The following MOV10L1 variants were observed in gnomAD, a reference collection of about 807,000 sequenced individuals.
MOV10L1 encodes RNA helicase Mov10l1.
MOV10L1 carries 110 observed loss-of-function variants against 143.8 expected under a neutral mutation model. The observed-to-expected ratio is 0.76, with a 90% CI of 0.66 to 0.90. The LOEUF (loss-of-function observed/expected upper bound fraction) is 0.90, where lower values mean the gene tolerates loss of function less well. Among genes scored for constraint, MOV10L1 ranks in the 40% least tolerant of loss-of-function variants. The pLI is 0.00. For synonymous variants in MOV10L1, 593 were observed against 581.1 expected (o/e 1.02, Z -0.29); for missense variants, 1,406 against 1,526.8 (o/e 0.92, Z 1.32).
Position 50,134,662 on chromosome 22 carries a change from A to T in MOV10L1, c.2070+32A>T, listed in dbSNP as rs1404713201. On this transcript the variant is annotated intron_variant, in intron 15 of 26. Transcript: ENST00000262794. ...CTCAGCAATGTGGCTTTCTCTACACAGGGGATGGCTCAGCGACGTGGCTGT... is the reference window on the plus strand; with the variant it reads ...CTCAGCAATGTGGCTTTCTCTACACTGGGGATGGCTCAGCGACGTGGCTGT... 5 of 1,592,148 alleles carry T rather than the reference A, an allele frequency of 3.1e-6. No homozygotes were observed. The East Asian group carries it at 1.1e-4, about 36-fold the overall frequency.
In MOV10L1 at chr22:50,143,220, A is replaced by C; in HGVS notation, c.2357A>C (p.Gln786Pro). 1 of 1,613,954 alleles carries C rather than the reference A, an allele frequency of 6.2e-7. No individual in the cohort carries two copies. Residue 786 changes from glutamine to proline, a missense_variant and splice_region_variant, in exon 17 of 27, where the codon CAG becomes CCG. This residue lies in a region of MOV10L1 where 1,233 missense variants were observed against 1,351.4 expected (regional missense o/e 0.91). Coordinates refer to ENST00000262794, the MANE Select transcript of MOV10L1 (RefSeq NM_018995.3). ...KTVTIIEAVL[Q>P]VHFALPDSRI... The stretch of plus-strand genomic sequence containing the variant: ...GTGACAATAATAGAGGCTGTTTTAC[A>C]GGTAAGGACAGCGGCGCCGCGGGTG...
chr22:50,139,911 G>A (rs942443345), intron 15 of MOV10L1, among the ~76,000 whole-genome samples: 16 of 152,174 alleles, frequency 1.1e-4, no homozygotes, highest in Non-Finnish European at 1.5e-5. Flanking sequence ...TGTGGGAATG[G>A]GGAGTGGCAC....
intron 19 of MOV10L1, among the ~76,000 whole-genome samples, chr22:50,146,529 CGG>C (rs1398079593): frequency 6.6e-6 from 1 of 152,116 alleles, no homozygotes; most frequent in Non-Finnish European, 1.5e-5. Context: ...CAGACAGTGT[CGG>C]GGGCACAGGC....
intron 10 of MOV10L1, among the ~76,000 whole-genome samples, chr22:50,121,960 A>T (rs1400570526): frequency 6.6e-6 from 1 of 151,950 alleles, no homozygotes; most frequent in African/African-American, 2.4e-5. Context: ...TAGCATTGGA[A>T]TTTTTTTTCC....
chr22:50,107,484 A>G (rs2061904201), intron 3 of MOV10L1, among the ~76,000 whole-genome samples: 1 of 152,000 alleles, frequency 6.6e-6, no homozygotes, highest in Admixed American at 6.6e-5. Flanking sequence ...GTATTCAATT[A>G]TACACTTTTT....
intron 9 of MOV10L1, among the ~76,000 whole-genome samples, chr22:50,118,476 G>T (rs1446410268): frequency 1.3e-5 from 2 of 152,190 alleles, no homozygotes; most frequent in African/African-American, 2.4e-5. Flanking sequence ...TGCACTAGGG[G>T]CCATTGCTAC....
chr22:50,104,023 A>G (rs1333904985), intron 3 of MOV10L1, among the ~76,000 whole-genome samples: 2 of 152,170 alleles, frequency 1.3e-5, no homozygotes, highest in Non-Finnish European at 2.9e-5. Context: ...TCCCAGAACT[A>G]GATGGTCCCA....
In MOV10L1 at chr22:50,109,993, AC is replaced by A. The variant is rs1393763933; in HGVS notation, c.743+1150del. Among the ~76,000 whole-genome samples the A allele has an allele frequency of 6.6e-5, 10 of 152,084 alleles. No individual in the cohort carries two copies. The South Asian group carries it at 1.9e-3, about 28-fold the overall frequency. On this transcript the variant is annotated intron_variant, in intron 5 of 26. Transcript: ENST00000262794. ...AAGAAACCCTGTCTCTACTAAAAAT[AC>A]AAAAATTACCCGGTTGTGGTGGCAG...
rs116442086 is a variant in MOV10L1, at chr22:50,153,931, G to C, written c.3066+713G>C. Among the ~76,000 whole-genome samples, 302 of 152,100 alleles carry C rather than the reference G, an allele frequency of 2.0e-3. 4 individuals are homozygous for C. Among genetic ancestry groups the C allele is most frequent in the African/African-American group, 7.0e-3 (290 of 41,544 alleles). On this transcript the variant is annotated intron_variant, in intron 22 of 26. Coordinates refer to ENST00000262794, the MANE Select transcript of MOV10L1 (RefSeq NM_018995.3). ...GGTGCCAGTGCCCCTTCCATGCCAC[G>C]GGCCCCGGAGGACAGGGGTCCAGGT...
At position 50,099,694 on chromosome 22, in the gene MOV10L1, T is replaced by C. The variant is rs2062687077; in HGVS notation, c.442+92T>C. The C allele has an allele frequency of 2.1e-6, 3 of 1,418,010 alleles. No individual in the cohort carries two copies. The African/African-American group carries it at 4.3e-5, about 20-fold the overall frequency. The allele number at this position is 1,418,010 out of a possible 1,614,324, so 87.8% of individuals were successfully genotyped here. ...CAGGCACGGTGGCTCATGCCTATAA[T>C]CCCAGCACTTTGTCAGGCTGAGACA... is the stretch of plus-strand genomic sequence containing the variant. On this transcript the variant is annotated intron_variant, in intron 3 of 26. Coordinates refer to ENST00000262794, the MANE Select transcript of MOV10L1 (RefSeq NM_018995.3).
intron 8 of MOV10L1, among the ~76,000 whole-genome samples, 182 bp from the exon 9 acceptor site, chr22:50,116,975 C>T (rs139899513): frequency 1.3e-5 from 2 of 152,210 alleles, no homozygotes; most frequent in Non-Finnish European, 2.9e-5. Flanking sequence ...TTAATTTTAT[C>T]TTGAGAAAAT....
At chr22:50,106,594 G>A (rs1197844410) in intron 3 of MOV10L1, among the ~76,000 whole-genome samples, 1 of 151,702 alleles carries the variant, frequency 6.6e-6, no homozygotes, top group Non-Finnish European at 1.5e-5. Flanking sequence ...ATAAAAATTG[G>A]CAAAATTCTG....
chr22:50,146,698 A>G (rs1184239873), intron 19 of MOV10L1, among the ~76,000 whole-genome samples: 1 of 151,264 alleles, frequency 6.6e-6, no homozygotes, highest in Admixed American at 6.6e-5. Flanking sequence ...GTCCAGCGTC[A>G]CGGTGGTCGT....
In MOV10L1 at chr22:50,108,800, A is replaced by T. The variant is rs567219166; in HGVS notation, c.699A>T (p.Ser233=). The change falls in exon 5 of 27, where the codon TCA becomes TCT. Residue 233 remains serine, a synonymous_variant. Transcript: ENST00000262794. ...VNAVVVESSQ[S]CYVWRALCMT... The stretch of plus-strand genomic sequence containing the variant: ...CAGTGGTGGTGGAGAGCAGCCAGTC[A>T]TGCTATGTCTGGAGGGCACTTTGTA... 1 of 1,614,090 alleles carries T rather than the reference A, an allele frequency of 6.2e-7. No individual in the cohort carries two copies. Among genetic ancestry groups the T allele is most frequent in the Non-Finnish European group, 8.5e-7 (1 of 1,180,052 alleles).
At position 50,107,762 on chromosome 22, in the gene MOV10L1, G is replaced by A. The variant is rs144677184; in HGVS notation, c.443-374G>A. 1.5e-4 allele frequency among the ~76,000 whole-genome samples: 23 copies of A among 152,290 alleles called. No homozygotes were observed. The East Asian group carries it at 4.3e-3, about 28-fold the overall frequency. On this transcript the variant is annotated intron_variant, in intron 3 of 26. Coordinates refer to ENST00000262794, the MANE Select transcript of MOV10L1 (RefSeq NM_018995.3). ...GCTTCCCTCACACCTGAGTTCAGGT[G>A]TCTCTCTGTTCCCGAACACCGTGTG...
At position 50,090,200 on chromosome 22, in the gene MOV10L1, G is replaced by A. The variant is rs1017501763; in HGVS notation, c.97+15G>A. On this transcript the variant is annotated intron_variant, in intron 1 of 26. Transcript: ENST00000262794. ...GCTCGCGGAAGGTGGCTCGCGGGAGGCGGCTGGGAGGCGGGTCCCGGGCCC... is the reference window on the plus strand; with the variant it reads ...GCTCGCGGAAGGTGGCTCGCGGGAGACGGCTGGGAGGCGGGTCCCGGGCCC... 1.4e-6 allele frequency: 2 copies of A among 1,413,574 alleles called. No homozygotes were observed. The highest frequency in any genetic ancestry group is 1.6e-5 in the South Asian group (1 of 63,116). 87.6% of individuals were successfully genotyped at this position (1,413,574 alleles called of 1,614,324 possible).
chr22:50,095,343 C>CA (rs1020871179), intron 2 of MOV10L1: 11 of 152,238 alleles, frequency 7.2e-5, no homozygotes, highest in African/African-American at 2.7e-4. Flanking sequence ...CTTCCATCAT[C>CA]AGAGATGTAC....
chr22:50,139,752 A>G (rs1311176602), intron 15 of MOV10L1, among the ~76,000 whole-genome samples: 2 of 152,234 alleles, frequency 1.3e-5, no homozygotes, highest in Non-Finnish European at 2.9e-5. Flanking sequence ...GGTAATAAAC[A>G]CATGAAAGAT....
At position 50,099,550 on chromosome 22, in the gene MOV10L1, C is replaced by T. The variant is rs763137022; in HGVS notation, c.390C>T (p.Gly130=). The T allele has an allele frequency of 4.5e-5, 73 of 1,614,050 alleles. No homozygotes were observed. The highest frequency in any genetic ancestry group is 6.0e-5 in the Non-Finnish European group (71 of 1,180,024). Reference sequence around the variant, plus strand: ...GCTGTGTGACTTCCCTGGTGGAGGGCGCAGGCTGTATCAGTCAGACCACCT... The same window carrying T: ...GCTGTGTGACTTCCCTGGTGGAGGGTGCAGGCTGTATCAGTCAGACCACCT... ...LIGCVTSLVE[G]AGCISQTTYF... The change falls in exon 3 of 27, where the codon GGC becomes GGT. Residue 130 remains glycine, a synonymous_variant. Transcript: ENST00000262794.
Sources: allele counts gnomAD v4.1 joint callset (sites outside exome capture counted in the v4.1 genomes callset), GRCh38; gene constraint gnomAD v4.1.1; regional missense constraint gnomAD v4.1.1; transcripts MANE v1.5; gene names NCBI Gene and HGNC (gene_info 2026-07-23, HGNC 2026-07-21).